The following FAM13A variants were observed in gnomAD, a reference collection of about 807,000 sequenced individuals.
FAM13A encodes the protein family with sequence similarity 13 member A.
Under a neutral mutation model 129.6 loss-of-function variants are expected in FAM13A, and 76 were observed. That is an observed-to-expected ratio of 0.59 (90% CI 0.49 to 0.71). FAM13A has a LOEUF of 0.71. Ranked by LOEUF, FAM13A falls within the 30% of genes least tolerant of loss-of-function variation. The pLI is 0.00. For missense variants in FAM13A, 1,108 were observed against 1,249.3 expected (o/e 0.89, Z 1.70); for synonymous variants, 443 against 449.9 (o/e 0.98, Z 0.20).
At chr4:88,941,890 T>C (rs559070317) in intron 4 of FAM13A, among the ~76,000 whole-genome samples, 1 of 152,304 alleles carries the variant, frequency 6.6e-6, no homozygotes, top group South Asian at 2.1e-4. Context: ...GTTTTTAAGG[T>C]AACTGCCGTC....
Position 88,874,628 on chromosome 4 carries a change from A to G in FAM13A, c.844-23445T>C, listed in dbSNP as rs556826439. Among the ~76,000 whole-genome samples the G allele has an allele frequency of 9.8e-4, 150 of 152,342 alleles. 1 individual carries two copies. The highest frequency in any genetic ancestry group is 5.7e-4 in the Non-Finnish European group (39 of 68,032). ...AAGGAGAACTACAAATCACTGCTGAATGAAATAAAAGAAGACACAAACAAA... is the reference window on the plus strand; with the variant it reads ...AAGGAGAACTACAAATCACTGCTGAGTGAAATAAAAGAAGACACAAACAAA... On this transcript the variant is annotated intron_variant, in intron 6 of 23. Coordinates refer to ENST00000264344, the MANE Select transcript of FAM13A (RefSeq NM_014883.4).
chr4:88,921,084 C>T (rs1750994662), intron 5 of FAM13A, among the ~76,000 whole-genome samples: 1 of 152,062 alleles, frequency 6.6e-6, no homozygotes, highest in Non-Finnish European at 1.5e-5. Context: ...ATTGGTGTAC[C>T]TGAAAGTGAC....
rs181580236 is a variant in FAM13A at position 88,991,188 on chromosome 4, T to A, written c.428-38A>T. 2,200 of 1,518,174 alleles carry A rather than the reference T, an allele frequency of 1.4e-3. 33 individuals are homozygous for A. In the African/African-American group the frequency reaches 0.027, roughly 19 times the overall value. 94.0% of individuals were successfully genotyped at this position (1,518,174 alleles called of 1,614,324 possible). A position where few individuals can be genotyped will look rare whatever the true frequency, so the allele number is the denominator to read the frequency against. Reference sequence around the variant, plus strand: ...AGAATAAAAATGTTCTAAGGTATATTTCACAGTAACAACAACAAAAGCCCA... The same window carrying A: ...AGAATAAAAATGTTCTAAGGTATATATCACAGTAACAACAACAAAAGCCCA... On this transcript the variant is annotated intron_variant, in intron 3 of 23. Transcript: ENST00000264344.
intron 3 of FAM13A, among the ~76,000 whole-genome samples, chr4:89,004,003 TG>T (rs1487141398): frequency 6.6e-6 from 1 of 152,194 alleles, no homozygotes; most frequent in Non-Finnish European, 1.5e-5. Flanking sequence ...TTTCTTTTTT[TG>T]TAGAGACAGG....
chr4:88,870,578 G>C (rs963950616), intron 6 of FAM13A, among the ~76,000 whole-genome samples: 4 of 152,220 alleles, frequency 2.6e-5, no homozygotes, highest in African/African-American at 9.6e-5. Context: ...AGCCTGGCTG[G>C]GGGAGGGGCA....
Position 88,787,758 on chromosome 4 carries a change from T to A in FAM13A, c.1266A>T (p.Arg422Ser), listed in dbSNP as rs772792148. 52 of 1,611,370 alleles carry A rather than the reference T, an allele frequency of 3.2e-5. No homozygotes were observed. The African/African-American group carries it at 6.2e-4, about 19-fold the overall frequency. Reference protein sequence around the residue: ...SKEQDEVRHGRDKGLINKENT... With the variant: ...SKEQDEVRHGSDKGLINKENT... The stretch of plus-strand genomic sequence containing the variant: ...AAGAATCAATGCCAACTCACTTGTC[T>A]CTCCCATGTCGAACTTCATCCTGCT... The change falls in exon 10 of 24, where the codon AGA (arginine) becomes AGT (serine). Residue 422 changes from arginine to serine, a missense_variant. Arg to Ser is a moderately radical substitution (Grantham distance 110). Transcript: ENST00000264344.
intron 13 of FAM13A, among the ~76,000 whole-genome samples, chr4:88,766,342 T>C (rs1745703094): frequency 6.6e-6 from 1 of 152,144 alleles, no homozygotes. Context: ...AATGTCAGCT[T>C]GTTGCTTGGG....
chr4:88,825,276 C>T (rs1049888845), intron 7 of FAM13A, among the ~76,000 whole-genome samples: 3 of 150,954 alleles, frequency 2.0e-5, no homozygotes, highest in South Asian at 2.1e-4. Context: ...AGTGCAGTGG[C>T]GTGATCTCGG....
At chr4:88,788,240 A>G (rs956913776) in intron 9 of FAM13A, among the ~76,000 whole-genome samples, 4 of 152,180 alleles carry the variant, frequency 2.6e-5, no homozygotes, top group Non-Finnish European at 5.9e-5. Flanking sequence ...GTCAATCAAT[A>G]TAAGGAAGAA....
chr4:88,961,346 C>CTTTTTTTTTTTTTTTTTTT (rs1560548919), intron 4 of FAM13A, among the ~76,000 whole-genome samples: 1 of 89,326 alleles, frequency 1.1e-5, no homozygotes, highest in African/African-American at 4.4e-5. Context: ...GTGGAATTTG[C>CTTTTTTTTTTTTTTTTTTT]CTTTTTTTTT....
At chr4:88,972,568 T>C (rs1032157749) in intron 4 of FAM13A, among the ~76,000 whole-genome samples, 2 of 152,094 alleles carry the variant, frequency 1.3e-5, no homozygotes, top group African/African-American at 4.8e-5. Flanking sequence ...CCCAAAGTGC[T>C]AGGATTACAG....
At chr4:88,862,759 C>T (rs917209006) in intron 6 of FAM13A, among the ~76,000 whole-genome samples, 2 of 151,872 alleles carry the variant, frequency 1.3e-5, no homozygotes, top group Non-Finnish European at 2.9e-5. Context: ...TTAGTGTACA[C>T]GTATTATGAA....
At chr4:88,946,671 C>A (rs763929005) in intron 4 of FAM13A, among the ~76,000 whole-genome samples, 20 of 152,000 alleles carry the variant, frequency 1.3e-4, no homozygotes, top group Non-Finnish European at 2.8e-4. Flanking sequence ...TTGGTTAAAA[C>A]AGGTAAATTC....
chr4:89,028,118 A>C (rs531762536), intron 2 of FAM13A, among the ~76,000 whole-genome samples: 1 of 149,602 alleles, frequency 6.7e-6, no homozygotes, highest in Non-Finnish European at 1.5e-5. Flanking sequence ...AGGCAGGAGA[A>C]TTGCTTGAAC....
At chr4:88,935,322 T>A (rs954538559) in intron 5 of FAM13A, among the ~76,000 whole-genome samples, 3 of 152,220 alleles carry the variant, frequency 2.0e-5, no homozygotes, top group African/African-American at 7.2e-5. Flanking sequence ...AGAAACTTCA[T>A]TCAACACTTT....
At chr4:88,870,819 C>T (rs555852055) in intron 6 of FAM13A, among the ~76,000 whole-genome samples, 19 of 152,210 alleles carry the variant, frequency 1.2e-4, no homozygotes, top group Non-Finnish European at 2.4e-4. Context: ...ACTGCCTCCT[C>T]AAGTGGGTCC....
intron 5 of FAM13A, among the ~76,000 whole-genome samples, chr4:88,920,005 T>C (rs2446298): frequency 0.75 from 114,005 of 152,136 alleles, 43,016 homozygotes; most frequent in Non-Finnish European, 0.79. Flanking sequence ...GATGGGCGCC[T>C]GCCATTGCCC....
At chr4:88,782,281 A>C (rs925693084) in intron 10 of FAM13A, among the ~76,000 whole-genome samples, 3 of 152,018 alleles carry the variant, frequency 2.0e-5, no homozygotes, top group Non-Finnish European at 4.4e-5. Context: ...CACAAGAGTA[A>C]ATTAGCAAAC....
intron 8 of FAM13A, among the ~76,000 whole-genome samples, chr4:88,798,990 ATAATT>A (rs1578709292): frequency 6.6e-6 from 1 of 152,236 alleles, no homozygotes. Context: ...TAAAATGTAT[ATAATT>A]TATCTTTCTC....
Sources: allele counts gnomAD v4.1 joint callset (sites outside exome capture counted in the v4.1 genomes callset), GRCh38; gene constraint gnomAD v4.1.1; transcripts MANE v1.5; gene names NCBI Gene and HGNC (gene_info 2026-07-23, HGNC 2026-07-21).